The following EPAS1 variants were observed in gnomAD, a reference collection of about 807,000 sequenced individuals.
The protein encoded by EPAS1 is endothelial PAS domain protein 1.
EPAS1 carries 23 observed loss-of-function variants against 87.9 expected under a neutral mutation model. That is an observed-to-expected ratio of 0.26 (90% CI 0.19 to 0.37). EPAS1 has a LOEUF of 0.37. Ranked by LOEUF, EPAS1 falls within the 10% of genes least tolerant of loss-of-function variation. EPAS1 has a pLI of 1.00. For missense variants in EPAS1, 1,138 were observed against 1,120.7 expected, an observed-to-expected ratio of 1.02 and a Z score of -0.22; for synonymous variants, 508 against 444.3, an observed-to-expected ratio of 1.14 and a Z score of -1.80.
In EPAS1 at chr2:46,299,008, G is replaced by A. The variant is rs918597312; in HGVS notation, c.26+1071G>A. Among the ~76,000 whole-genome samples, 4 of 152,228 alleles carry A rather than the reference G, an allele frequency of 2.6e-5. No individual in the cohort carries two copies. In the East Asian group the frequency reaches 5.8e-4, roughly 22 times the overall value. ...GCGGGAAGCTGGAATCCAACGCGCG[G>A]CCGGCTGAACCGCCTGAGCCGCGGG... On this transcript the variant is annotated intron_variant, in intron 1 of 15. Coordinates refer to ENST00000263734, the MANE Select transcript of EPAS1 (RefSeq NM_001430.5).
intron 1 of EPAS1, among the ~76,000 whole-genome samples, chr2:46,330,488 C>G (rs1184497619): frequency 6.6e-6 from 1 of 152,172 alleles, no homozygotes; most frequent in East Asian, 1.9e-4. Flanking sequence ...TCCCAGTGGC[C>G]TTGAGGTTTG....
At chr2:46,339,880 G>C (rs553289634) in intron 1 of EPAS1, among the ~76,000 whole-genome samples, 2 of 152,168 alleles carry the variant, frequency 1.3e-5, no homozygotes, top group South Asian at 2.1e-4. Context: ...CCTCCTTTGC[G>C]AGTGCACTAA....
In EPAS1 at chr2:46,347,174, C is replaced by A; in HGVS notation, c.217+111C>A. On this transcript the variant is annotated intron_variant, in intron 2 of 15. Transcript: ENST00000263734. This position sits in a 1 kb window ranked among gnomAD's most constrained non-coding sequence, Gnocchi z 4.2. Reference sequence around the variant, plus strand: ...GCTGGAAAGTCACCCCACTACAGAACTTTCACCCACAGAAACACCATCATG... The same window carrying A: ...GCTGGAAAGTCACCCCACTACAGAAATTTCACCCACAGAAACACCATCATG... The A allele has an allele frequency of 1.7e-6, 2 of 1,166,966 alleles. No individual in the cohort carries two copies. Among genetic ancestry groups the A allele is most frequent in the Non-Finnish European group, 2.6e-6 (2 of 781,736 alleles). 72.3% of individuals were successfully genotyped at this position (1,166,966 alleles called of 1,614,324 possible).
intron 1 of EPAS1, among the ~76,000 whole-genome samples, chr2:46,308,467 G>T (rs1428172842): frequency 7.1e-6 from 1 of 140,974 alleles, no homozygotes; most frequent in African/African-American, 2.6e-5. Flanking sequence ...TTTTGGGGGG[G>T]GGGGCTCTGA....
intron 4 of EPAS1, among the ~76,000 whole-genome samples, chr2:46,358,554 C>T (rs867983230): frequency 2.6e-5 from 4 of 152,176 alleles, no homozygotes; most frequent in African/African-American, 9.7e-5. Context: ...AGTCTGTGAC[C>T]AGAAGCAAGT....
intron 6 of EPAS1, among the ~76,000 whole-genome samples, chr2:46,362,961 TGGTGGTGGTGGTGGTAG>T (rs1684426608): frequency 5.4e-5 from 5 of 91,926 alleles, no homozygotes; most frequent in African/African-American, 2.7e-4. Flanking sequence ...TTAGTGGTGG[TGGTGGTGGTGGTGGTAG>T]TGGTGGTGGT....
intron 1 of EPAS1, among the ~76,000 whole-genome samples, chr2:46,339,136 T>C (rs916276169): frequency 1.3e-5 from 2 of 152,242 alleles, no homozygotes; most frequent in African/African-American, 4.8e-5. Flanking sequence ...TTGCTGGCTA[T>C]TATGAATATT....
intron 10 of EPAS1, 152 bp downstream of exon 10, chr2:46,378,239 A>G (rs890365639): frequency 1.4e-6 from 2 of 1,384,310 alleles, no homozygotes; most frequent in African/African-American, 1.5e-5. Flanking sequence ...ACCAGGTATC[A>G]GAGCTGTTTT....
intron 1 of EPAS1, among the ~76,000 whole-genome samples, chr2:46,301,645 G>A (rs1572610314): frequency 6.7e-6 from 1 of 150,086 alleles, no homozygotes; most frequent in Non-Finnish European, 1.5e-5. Flanking sequence ...TTTTCCTATT[G>A]TTCACAGGAG....
intron 4 of EPAS1, among the ~76,000 whole-genome samples, chr2:46,358,796 C>G (rs551864139): frequency 6.6e-6 from 1 of 152,272 alleles, no homozygotes; most frequent in Non-Finnish European, 1.5e-5. Flanking sequence ...GACTCGTGAT[C>G]TAGACCTAAA....
intron 1 of EPAS1, among the ~76,000 whole-genome samples, chr2:46,320,393 T>G (rs191811653): frequency 6.6e-6 from 1 of 152,222 alleles, no homozygotes; most frequent in Admixed American, 6.5e-5. Flanking sequence ...TGGCTACTTC[T>G]GTACAATGCA....
intron 1 of EPAS1, among the ~76,000 whole-genome samples, chr2:46,324,371 T>C (rs1306499548): frequency 1.3e-5 from 2 of 152,194 alleles, no homozygotes; most frequent in Non-Finnish European, 2.9e-5. Flanking sequence ...CCAGCCCTAA[T>C]TATGTTTTTA....
intron 1 of EPAS1, among the ~76,000 whole-genome samples, chr2:46,342,419 T>C (rs141646175): frequency 5.5e-4 from 84 of 152,330 alleles, no homozygotes; most frequent in Non-Finnish European, 9.7e-4. Context: ...CACCAACCAA[T>C]AGACTGATCC....
intron 6 of EPAS1, among the ~76,000 whole-genome samples, chr2:46,365,464 A>C (rs1684481955): frequency 6.6e-6 from 1 of 152,238 alleles, no homozygotes; most frequent in Non-Finnish European, 1.5e-5. Context: ...GAGAATAAGT[A>C]AAAATGGTGA....
At chr2:46,335,956 T>A (rs1316191841) in intron 1 of EPAS1, 1 of 152,028 alleles carries the variant, frequency 6.6e-6, no homozygotes, top group African/African-American at 2.4e-5. Flanking sequence ...GTCCATAGAG[T>A]TCTCTTGTTC....
chr2:46,300,648 C>T lies in EPAS1; in HGVS notation c.26+2711C>T, dbSNP rs576904104. 4.6e-5 allele frequency among the ~76,000 whole-genome samples: 7 copies of T among 152,158 alleles called. No homozygotes were observed. In the South Asian group the frequency reaches 1.5e-3, roughly 32 times the overall value. ...TCTATCAGGAATGCCTGAGTCCTTTCACTGGGAAAAAAATGTGGAAATTCT... is the reference window on the plus strand; with the variant it reads ...TCTATCAGGAATGCCTGAGTCCTTTTACTGGGAAAAAAATGTGGAAATTCT... On this transcript the variant is annotated intron_variant, in intron 1 of 15. Coordinates refer to ENST00000263734, the MANE Select transcript of EPAS1 (RefSeq NM_001430.5). This position sits in a 1 kb window ranked among gnomAD's most constrained non-coding sequence, Gnocchi z 4.1.
intron 11 of EPAS1, among the ~76,000 whole-genome samples, 185 bp downstream of exon 11, chr2:46,378,952 C>T (rs1207541730): frequency 6.6e-6 from 1 of 152,238 alleles, no homozygotes; most frequent in Non-Finnish European, 1.5e-5. Flanking sequence ...CCCCTCCTCC[C>T]ACTGTCAAAT....
chr2:46,363,408 A>G (rs1684441876), intron 6 of EPAS1, among the ~76,000 whole-genome samples: 1 of 152,092 alleles, frequency 6.6e-6, no homozygotes, highest in Non-Finnish European at 1.5e-5. Context: ...TAGAAAAGAG[A>G]TTTTTTTTAA....
chr2:46,357,499 C>A (rs773566217), intron 4 of EPAS1, among the ~76,000 whole-genome samples: 5 of 152,210 alleles, frequency 3.3e-5, no homozygotes, highest in Non-Finnish European at 7.3e-5. Flanking sequence ...CTCCCAGAAG[C>A]ACTAAAGTGG....
Sources: allele counts gnomAD v4.1 joint callset (sites outside exome capture counted in the v4.1 genomes callset), GRCh38; gene constraint gnomAD v4.1.1; non-coding constraint Gnocchi (gnomAD v3.1); transcripts MANE v1.5; gene names NCBI Gene and HGNC (gene_info 2026-07-23, HGNC 2026-07-21).